PSTPIP2: variants seen among roughly 807,000 people sequenced by gnomAD.
The protein encoded by PSTPIP2 is proline-serine-threonine phosphatase-interacting protein 2.
A neutral mutation model predicts 63.3 loss-of-function variants in PSTPIP2; 33 were observed. The observed-to-expected ratio is 0.52, with a 90% CI of 0.40 to 0.70. The LOEUF (loss-of-function observed/expected upper bound fraction) is 0.70. Among genes scored for constraint, PSTPIP2 ranks in the 30% least tolerant of loss-of-function variants. The probability of loss-of-function intolerance (pLI) is 0.00; values close to 1 mark genes in which losing one functional copy is unlikely to be tolerated. For synonymous variants in PSTPIP2, 125 were observed against 132.7 expected (o/e 0.94, Z 0.40); for missense variants, 312 against 400.7 (o/e 0.78, Z 1.89).
At chr18:45,999,624 A>T in intron 6 of PSTPIP2, 90 bp from the exon 7 acceptor site, 1 of 1,322,014 alleles carries the variant, frequency 7.6e-7, no homozygotes, top group Non-Finnish European at 1.1e-6. Context: ...TCCAGCATGG[A>T]CAGGGCCGTC....
intron 2 of PSTPIP2, chr18:46,028,878 C>T (rs918445364): frequency 6.3e-7 from 1 of 1,583,566 alleles, no homozygotes; most frequent in East Asian, 2.2e-5. Flanking sequence ...CTGGGAATTT[C>T]ATATCCACAT....
At position 45,983,774 on chromosome 18, in the gene PSTPIP2, T is replaced by C. The variant is rs1599685525; in HGVS notation, c.*1685A>G. The C allele has an allele frequency of 2.0e-5, 3 of 152,276 alleles. No homozygotes were observed. The highest frequency in any genetic ancestry group is 6.8e-3 in the Middle Eastern group (2 of 294). The allele number at this position is 152,276 out of a possible 1,614,324, so 9.4% of individuals were successfully genotyped here. ...AATTTGGCCCTTTGCAAAATTCAGTTTCTCAAAAGGATATCCAACTGATGC... is the reference window on the plus strand; with the variant it reads ...AATTTGGCCCTTTGCAAAATTCAGTCTCTCAAAAGGATATCCAACTGATGC... On this transcript the variant is annotated 3_prime_UTR_variant, in exon 15 of 15. Transcript: ENST00000409746.
At chr18:46,021,958 G>T (rs534047643) in intron 3 of PSTPIP2, among the ~76,000 whole-genome samples, 2 of 149,152 alleles carry the variant, frequency 1.3e-5, no homozygotes, top group African/African-American at 2.5e-5. Context: ...TTTGATTCCA[G>T]ATTTAAATTT....
At chr18:46,047,791 C>T (rs114541254) in intron 1 of PSTPIP2, among the ~76,000 whole-genome samples, 1,878 of 152,192 alleles carry the variant, frequency 0.012, 40 homozygotes, top group African/African-American at 0.043. Flanking sequence ...ACTGTCTTAG[C>T]AATAATTGAT....
chr18:45,986,904 C>A (rs919144826), intron 14 of PSTPIP2, among the ~76,000 whole-genome samples: 5 of 152,202 alleles, frequency 3.3e-5, no homozygotes, highest in Admixed American at 2.6e-4. Context: ...GTGGCGCAAT[C>A]TCAGCTCACT....
chr18:46,017,978 T>C (rs2051869428), intron 3 of PSTPIP2, among the ~76,000 whole-genome samples: 1 of 152,170 alleles, frequency 6.6e-6, no homozygotes, highest in Non-Finnish European at 1.5e-5. Flanking sequence ...ATAGTTAATG[T>C]GTTACTTAAT....
intron 13 of PSTPIP2, among the ~76,000 whole-genome samples, chr18:45,990,411 T>G (rs1179506293): frequency 2.0e-5 from 3 of 146,834 alleles, no homozygotes; most frequent in Non-Finnish European, 3.0e-5. Flanking sequence ...ATTTCGTGGG[T>G]TTTTTGGGGT....
intron 1 of PSTPIP2, among the ~76,000 whole-genome samples, chr18:46,063,640 C>T (rs1256085607): frequency 2.1e-5 from 3 of 142,344 alleles, no homozygotes; most frequent in Admixed American, 7.1e-5. Flanking sequence ...CACACACACA[C>T]GTGTATATAT....
Position 46,055,629 on chromosome 18 carries a change from T to A in PSTPIP2, c.34-15582A>T, listed in dbSNP as rs922054430. ...CCACTGTGCCCAGCCAGTGCCAACA[T>A]TTGTGATTGTTAAGGCTAATAATGC... On this transcript the variant is annotated intron_variant, in intron 1 of 14. Coordinates refer to ENST00000409746, the MANE Select transcript of PSTPIP2 (RefSeq NM_024430.4). Among the ~76,000 whole-genome samples, 20 of 152,312 alleles carry A rather than the reference T, an allele frequency of 1.3e-4. No individual in the cohort carries two copies. The East Asian group carries it at 3.3e-3, about 25-fold the overall frequency.
rs1345195345 is a variant in PSTPIP2 at position 45,984,627 on chromosome 18, A to G, written c.*832T>C. The G allele has an allele frequency of 1.3e-5, 2 of 152,088 alleles. No individual in the cohort carries two copies. Among genetic ancestry groups the G allele is most frequent in the Admixed American group, 6.6e-5 (1 of 15,264 alleles). 9.4% of individuals were successfully genotyped at this position (152,088 alleles called of 1,614,324 possible). On this transcript the variant is annotated 3_prime_UTR_variant, in exon 15 of 15. Coordinates refer to ENST00000409746, the MANE Select transcript of PSTPIP2 (RefSeq NM_024430.4). ...TCCCAAGTTTATTGGCAACTCCTCG[A>G]CCCCACCTTCTTAGTGCAACATAAA...
At chr18:45,991,788 T>G (rs1033599468) in intron 12 of PSTPIP2, 114 bp downstream of exon 12, 5 of 1,026,604 alleles carry the variant, frequency 4.9e-6, no homozygotes, top group Non-Finnish European at 7.1e-6. Context: ...CAAGCAGCCT[T>G]ATTAAGCAGA....
chr18:46,032,396 C>T (rs544742051), intron 2 of PSTPIP2, among the ~76,000 whole-genome samples: 1 of 152,258 alleles, frequency 6.6e-6, no homozygotes, highest in Non-Finnish European at 1.5e-5. Context: ...CCCCAACTCC[C>T]TTTGACCTCG....
chr18:45,991,861 TA>T, intron 12 of PSTPIP2, 40 bp downstream of exon 12: 13 of 1,510,296 alleles, frequency 8.6e-6, no homozygotes, highest in Non-Finnish European at 1.2e-5. Context: ...CAATGTTTGT[TA>T]AAAGTATTTT....
At chr18:46,042,239 C>T (rs756059457) in intron 1 of PSTPIP2, among the ~76,000 whole-genome samples, 1 of 152,168 alleles carries the variant, frequency 6.6e-6, no homozygotes, top group Admixed American at 6.5e-5. Context: ...TCCACCAAAG[C>T]CTCATTTGTC....
At chr18:46,047,384 C>G (rs1908419543) in intron 1 of PSTPIP2, among the ~76,000 whole-genome samples, 1 of 152,124 alleles carries the variant, frequency 6.6e-6, no homozygotes, top group Non-Finnish European at 1.5e-5. Flanking sequence ...ACCAGCTTGG[C>G]CAGCACAGTG....
intron 4 of PSTPIP2, among the ~76,000 whole-genome samples, chr18:46,015,489 C>A (rs2051843614): frequency 6.6e-6 from 1 of 152,080 alleles, no homozygotes. Context: ...GAAGTATAGA[C>A]GATTCTCTGA....
At chr18:46,036,934 T>C (rs776246723) in intron 2 of PSTPIP2, among the ~76,000 whole-genome samples, 7 of 152,206 alleles carry the variant, frequency 4.6e-5, no homozygotes, top group Non-Finnish European at 8.8e-5. Context: ...AGGGCATGTT[T>C]AGCATGTACC....
chr18:46,039,784 T>C (rs1238523731), intron 2 of PSTPIP2, among the ~76,000 whole-genome samples, 163 bp downstream of exon 2: 1 of 152,214 alleles, frequency 6.6e-6, no homozygotes, highest in Non-Finnish European at 1.5e-5. Context: ...CTAAGAACTT[T>C]AGGACAGAAG....
At chr18:46,005,602 A>G (rs774235828) in intron 5 of PSTPIP2, 71 bp from the exon 6 acceptor site, 39 of 1,138,238 alleles carry the variant, frequency 3.4e-5, no homozygotes, top group Non-Finnish European at 4.8e-5. Flanking sequence ...ATCATTATCA[A>G]TACCAGCTTA....
Sources: allele counts gnomAD v4.1 joint callset (sites outside exome capture counted in the v4.1 genomes callset), GRCh38; gene constraint gnomAD v4.1.1; transcripts MANE v1.5; gene names NCBI Gene and HGNC (gene_info 2026-07-23, HGNC 2026-07-21).